Variants in PIEZO2 observed in about 807,000 individuals in gnomAD.
The protein encoded by PIEZO2 is piezo-type mechanosensitive ion channel component 2.
PIEZO2 carries 172 observed loss-of-function variants against 337.3 expected under a neutral mutation model. The observed-to-expected ratio is 0.51, with a 90% CI of 0.45 to 0.58. PIEZO2 has a LOEUF of 0.58. Ranked by LOEUF, PIEZO2 falls within the 20% of genes least tolerant of loss-of-function variation. PIEZO2 has a pLI of 0.00. For missense variants in PIEZO2, 3,028 were observed against 3,391.3 expected (o/e 0.89, Z 2.66); for synonymous variants, 1,251 against 1,228.5 (o/e 1.02, Z -0.38).
chr18:11,107,097 C>T (rs2039591633), intron 1 of PIEZO2, among the ~76,000 whole-genome samples: 1 of 152,090 alleles, frequency 6.6e-6, no homozygotes. Context: ...CCCTTTTTAG[C>T]AAGGGGAAGG....
At chr18:10,798,190 C>A (rs975042185) in intron 11 of PIEZO2, among the ~76,000 whole-genome samples, 2 of 152,242 alleles carry the variant, frequency 1.3e-5, no homozygotes, top group East Asian at 3.8e-4. Flanking sequence ...GCCAGAGGAA[C>A]CAGCCTAGTG....
At chr18:11,041,420 T>A (rs889586637) in intron 2 of PIEZO2, among the ~76,000 whole-genome samples, 6 of 151,800 alleles carry the variant, frequency 4.0e-5, no homozygotes, top group African/African-American at 1.5e-4. Context: ...CCTTGGAAGT[T>A]CAGCCTCGAG....
intron 3 of PIEZO2, among the ~76,000 whole-genome samples, chr18:10,947,529 G>A (rs2135734): frequency 6.6e-6 from 1 of 152,228 alleles, no homozygotes; most frequent in East Asian, 1.9e-4. Flanking sequence ...TTCAATAGAA[G>A]AAAACTAAAA....
chr18:10,753,943 C>G (rs548999900), intron 27 of PIEZO2, among the ~76,000 whole-genome samples: 1 of 152,288 alleles, frequency 6.6e-6, no homozygotes, highest in Admixed American at 6.5e-5. Flanking sequence ...AACCCTAGAT[C>G]ATCACAAATA....
intron 1 of PIEZO2, among the ~76,000 whole-genome samples, chr18:11,072,413 T>C (rs2038374914): frequency 6.6e-6 from 1 of 151,938 alleles, no homozygotes; most frequent in African/African-American, 2.4e-5. Flanking sequence ...CTAGGTGAGA[T>C]TTTTTAATGT....
At chr18:10,807,081 G>C (rs957318274) in intron 8 of PIEZO2, 31 bp downstream of exon 8, 2 of 1,521,054 alleles carry the variant, frequency 1.3e-6, no homozygotes, top group Non-Finnish European at 1.8e-6. Flanking sequence ...TTACTTTGCA[G>C]ACAAGATCAT....
At chr18:10,885,501 G>T (rs908116006) in intron 4 of PIEZO2, among the ~76,000 whole-genome samples, 1 of 152,166 alleles carries the variant, frequency 6.6e-6, no homozygotes, top group South Asian at 2.1e-4. Context: ...CCCTCAGTTG[G>T]TGAAGTATGT....
intron 1 of PIEZO2, among the ~76,000 whole-genome samples, chr18:11,068,049 G>A (rs2038209602): frequency 1.3e-5 from 2 of 152,184 alleles, no homozygotes; most frequent in Non-Finnish European, 2.9e-5. Flanking sequence ...AGCCTCCCGA[G>A]TAACTGGGAC....
At chr18:10,803,228 A>AGAGTTT (rs1454435376) in intron 9 of PIEZO2, among the ~76,000 whole-genome samples, 1 of 152,228 alleles carries the variant, frequency 6.6e-6, no homozygotes, top group Non-Finnish European at 1.5e-5. Context: ...AGTGAGTTAC[A>AGAGTTT]GGTATCGAAC....
rs190430462 is a variant in PIEZO2 at position 10,991,048 on chromosome 18, G to A, written c.161-11388C>T. ...AGTGTTTCCTCTGCTCTTATTTTCC[G>A]AGGAGATTGTAAAGAATTGATATTG... is the stretch of plus-strand genomic sequence containing the variant. On this transcript the variant is annotated intron_variant, in intron 2 of 55. Coordinates refer to ENST00000674853, the MANE Select transcript of PIEZO2 (RefSeq NM_001378183.1). Among the ~76,000 whole-genome samples, 24 of 151,512 alleles carry A rather than the reference G, an allele frequency of 1.6e-4. No individual in the cohort carries two copies. The East Asian group carries it at 2.3e-3, about 15-fold the overall frequency.
rs2034578846 is a variant in PIEZO2 at position 10,979,416 on chromosome 18, T to A, written c.286+119A>T. On this transcript the variant is annotated intron_variant, in intron 3 of 55. Coordinates refer to ENST00000674853, the MANE Select transcript of PIEZO2 (RefSeq NM_001378183.1). This position sits in a 1 kb window ranked among gnomAD's most constrained non-coding sequence, Gnocchi z 4.0. The stretch of plus-strand genomic sequence containing the variant: ...CATTGCCAAAGACCAAAAATTTCCA[T>A]GAATTTTATAATTTAATTATTGCAT... 8.6e-7 allele frequency: 1 copy of A among 1,163,434 alleles called. No homozygotes were observed. The highest frequency in any genetic ancestry group is 1.1e-6 in the Non-Finnish European group (1 of 898,412). The allele number at this position is 1,163,434 out of a possible 1,614,324, so 72.1% of individuals were successfully genotyped here. A position where few individuals can be genotyped will look rare whatever the true frequency, so the allele number is the denominator to read the frequency against.
chr18:10,800,036 A>G (rs181005545), intron 11 of PIEZO2, among the ~76,000 whole-genome samples: 1 of 152,234 alleles, frequency 6.6e-6, no homozygotes, highest in East Asian at 1.9e-4. Flanking sequence ...TACAATATCA[A>G]CTAAAAGAAA....
At chr18:10,892,654 G>GA (rs1491534438) in intron 4 of PIEZO2, among the ~76,000 whole-genome samples, 16 of 150,584 alleles carry the variant, frequency 1.1e-4, no homozygotes, top group Admixed American at 4.6e-4. Flanking sequence ...ACCAGAGAGA[G>GA]GGAGAGAGAA....
At position 10,807,256 on chromosome 18, in the gene PIEZO2, T is replaced by C; in HGVS notation, c.936A>G (p.Ser312=). 3.3e-6 allele frequency: 5 copies of C among 1,536,892 alleles called. No individual in the cohort carries two copies. Among genetic ancestry groups the C allele is most frequent in the Non-Finnish European group, 4.4e-6 (5 of 1,146,624 alleles). ...DYYARLFGIK[S]VIQTDCSSTW... ...TACTTGAACAGTCCGTTTGAATTAC[T>C]GACTTGATACCAAACAACCTGTTAA... The change falls in exon 8 of 56, where the codon TCA becomes TCG. Residue 312 remains serine, a synonymous_variant. Coordinates refer to ENST00000674853, the MANE Select transcript of PIEZO2 (RefSeq NM_001378183.1).
chr18:10,725,203 G>T, intron 36 of PIEZO2: 1 of 1,556,622 alleles, frequency 6.4e-7, no homozygotes, highest in Non-Finnish European at 8.9e-7. Flanking sequence ...CATCATTGAG[G>T]CTGTTCTGGA....
intron 7 of PIEZO2, among the ~76,000 whole-genome samples, chr18:10,827,129 AGT>A (rs934388306): frequency 1.4e-4 from 22 of 152,224 alleles, no homozygotes; most frequent in Non-Finnish European, 2.9e-5. Context: ...TACTGGCCTC[AGT>A]TATCTCTGGT....
chr18:11,125,693 A>C lies in PIEZO2; in HGVS notation c.64+22832T>G, dbSNP rs2040162590. Among the ~76,000 whole-genome samples the C allele has an allele frequency of 6.6e-6, 1 of 152,246 alleles. No individual in the cohort carries two copies. ...TTGCGTAGGTCTATGCCAGGAAAAGAGAGTCTAGTTCAGGGCAGGACAACA... is the reference window on the plus strand; with the variant it reads ...TTGCGTAGGTCTATGCCAGGAAAAGCGAGTCTAGTTCAGGGCAGGACAACA... On this transcript the variant is annotated intron_variant, in intron 1 of 55. Coordinates refer to ENST00000674853, the MANE Select transcript of PIEZO2 (RefSeq NM_001378183.1). The surrounding 1 kb of genome is among the most constrained non-coding windows in gnomAD (Gnocchi z 4.4).
intron 11 of PIEZO2, among the ~76,000 whole-genome samples, chr18:10,798,026 A>C (rs925304635): frequency 6.6e-6 from 1 of 152,214 alleles, no homozygotes; most frequent in Non-Finnish European, 1.5e-5. Flanking sequence ...GGGGAGCCCC[A>C]GGTGTGAGAA....
intron 42 of PIEZO2, among the ~76,000 whole-genome samples, chr18:10,703,621 C>T (rs1189062940): frequency 6.6e-6 from 1 of 152,082 alleles, no homozygotes; most frequent in Admixed American, 6.5e-5. Context: ...AAATCAGTCT[C>T]TTCACAAACC....
Sources: allele counts gnomAD v4.1 joint callset (sites outside exome capture counted in the v4.1 genomes callset), GRCh38; gene constraint gnomAD v4.1.1; non-coding constraint Gnocchi (gnomAD v3.1); transcripts MANE v1.5; gene names NCBI Gene and HGNC (gene_info 2026-07-23, HGNC 2026-07-21).